Variants in CADPS2 observed in about 807,000 individuals in gnomAD.
CADPS2 encodes the protein calcium dependent secretion activator 2.
CADPS2 carries 93 observed loss-of-function variants against 172.5 expected under a neutral mutation model. The ratio of observed to expected loss-of-function variants is 0.54; its 90% CI spans 0.46 to 0.64. The LOEUF is 0.64. Ranked by LOEUF, CADPS2 falls within the 30% of genes least tolerant of loss-of-function variation. The pLI, the probability that CADPS2 is intolerant of heterozygous loss-of-function variation, is 0.00. For synonymous variants in CADPS2, 546 were observed against 555.2 expected, an observed-to-expected ratio of 0.98 and a Z score of 0.23; for missense variants, 1,420 against 1,565.9, an observed-to-expected ratio of 0.91 and a Z score of 1.57.
At chr7:122,574,155 T>C (rs1260032509) in intron 7 of CADPS2, among the ~76,000 whole-genome samples, 2 of 151,944 alleles carry the variant, frequency 1.3e-5, no homozygotes, top group African/African-American at 2.4e-5. Context: ...AAAAAATGTG[T>C]ATTTCTTGGG....
At chr7:122,724,988 G>T (rs1320024182) in intron 2 of CADPS2, among the ~76,000 whole-genome samples, 2 of 152,016 alleles carry the variant, frequency 1.3e-5, no homozygotes, top group Non-Finnish European at 2.9e-5. Flanking sequence ...TGTTATAGTA[G>T]TATGTGTTTC....
chr7:122,866,184 A>G (rs1366158278), intron 1 of CADPS2, among the ~76,000 whole-genome samples: 1 of 152,228 alleles, frequency 6.6e-6, no homozygotes, highest in East Asian at 1.9e-4. Context: ...CCATGTTATA[A>G]TCTCAAAATA....
At chr7:122,812,616 A>AT (rs956259465) in intron 1 of CADPS2, among the ~76,000 whole-genome samples, 3 of 152,064 alleles carry the variant, frequency 2.0e-5, no homozygotes, top group African/African-American at 4.8e-5. Context: ...TAAGTCTTCT[A>AT]TTTTTTCTCC....
intron 2 of CADPS2, among the ~76,000 whole-genome samples, chr7:122,719,267 G>A (rs2137017408): frequency 6.6e-6 from 1 of 152,092 alleles, no homozygotes; most frequent in South Asian, 2.1e-4. Context: ...AGGGGTGGGG[G>A]AGAGAGAAAG....
chr7:122,523,573 TCAAC>T lies in CADPS2; in HGVS notation c.1476-10262_1476-10259del, dbSNP rs1205419423. ...CTTTATTCCTTTTTATTTTTAAAAA[TCAAC>T]CAACAAATTGTATATATTTATGGTG... On this transcript the variant is annotated intron_variant, in intron 8 of 29. Transcript: ENST00000449022. Among the ~76,000 whole-genome samples, 5 of 152,232 alleles carry T rather than the reference TCAAC, an allele frequency of 3.3e-5. No homozygotes were observed. In the South Asian group the frequency reaches 6.2e-4, roughly 19 times the overall value.
intron 5 of CADPS2, among the ~76,000 whole-genome samples, chr7:122,617,727 T>C (rs375125664): frequency 2.6e-5 from 4 of 152,070 alleles, no homozygotes; most frequent in East Asian, 1.9e-4. Flanking sequence ...TAGCCTAATA[T>C]CAATGAAAGA....
chr7:122,554,421 C>T (rs924926779), intron 8 of CADPS2, 129 bp downstream of exon 8: 33 of 848,818 alleles, frequency 3.9e-5, no homozygotes, highest in East Asian at 1.6e-4. Flanking sequence ...AGATAACTTA[C>T]GTATGTCACT....
chr7:122,442,509 T>C (rs1012107264), intron 15 of CADPS2, among the ~76,000 whole-genome samples: 2 of 152,158 alleles, frequency 1.3e-5, no homozygotes, highest in Non-Finnish European at 2.9e-5. Context: ...TGTATCTCCA[T>C]GTCATTTTGC....
chr7:122,325,156 A>G (rs2033563852), intron 29 of CADPS2, among the ~76,000 whole-genome samples: 1 of 152,152 alleles, frequency 6.6e-6, no homozygotes, highest in South Asian at 2.1e-4. Flanking sequence ...AAGTAATTGT[A>G]TTATGATAAA....
At chr7:122,632,158 A>G (rs535650076) in intron 3 of CADPS2, among the ~76,000 whole-genome samples, 2 of 152,302 alleles carry the variant, frequency 1.3e-5, no homozygotes, top group Non-Finnish European at 2.9e-5. Context: ...TAGTGTGTCA[A>G]TGACCATATG....
intron 14 of CADPS2, among the ~76,000 whole-genome samples, chr7:122,454,424 C>A (rs1050168350): frequency 6.6e-6 from 1 of 152,064 alleles, no homozygotes; most frequent in Non-Finnish European, 1.5e-5. Flanking sequence ...CCCTTACTCT[C>A]TTCCTGCTAT....
chr7:122,478,085 T>C (rs1270900551), intron 12 of CADPS2, among the ~76,000 whole-genome samples: 1 of 152,202 alleles, frequency 6.6e-6, no homozygotes, highest in Non-Finnish European at 1.5e-5. Flanking sequence ...TATGTTACTC[T>C]TGAGAGACAC....
chr7:122,553,980 T>A (rs1587205912), intron 8 of CADPS2, among the ~76,000 whole-genome samples: 1 of 152,110 alleles, frequency 6.6e-6, no homozygotes, highest in African/African-American at 2.4e-5. Context: ...TTGGCAGAGA[T>A]GAAGGCTGAC....
chr7:122,567,899 G>C (rs1435798914), intron 7 of CADPS2, among the ~76,000 whole-genome samples: 2 of 151,830 alleles, frequency 1.3e-5, no homozygotes, highest in Non-Finnish European at 2.9e-5. Flanking sequence ...AGAAGAGAAA[G>C]AAAAAACATC....
intron 15 of CADPS2, 61 bp downstream of exon 15, chr7:122,451,313 G>A: frequency 8.4e-6 from 7 of 829,336 alleles, no homozygotes; most frequent in Non-Finnish European, 1.0e-5. Flanking sequence ...CAATTTTTGG[G>A]GGAAGTAAGG....
rs2040025873 is a variant in CADPS2, at chr7:122,360,815, T to C, written c.3477A>G (p.Lys1159=). Residue 1159 remains lysine (K), a synonymous_variant, in exon 27 of 30, where the codon AAA becomes AAG. Transcript: ENST00000449022. ...FFSSILSFTV[K]AAAKYVDVPK... is the part of the protein sequence containing the mutation. ...GAACATCAACATATTTTGCAGCTGC[T>C]TTCACCTTAAGTGTGAAAGAAAGAG... 6.4e-7 allele frequency: 1 copy of C among 1,568,560 alleles called. No homozygotes were observed. The highest frequency in any genetic ancestry group is 8.6e-7 in the Non-Finnish European group (1 of 1,156,122).
At chr7:122,647,771 A>G (rs1036456268) in intron 3 of CADPS2, among the ~76,000 whole-genome samples, 2 of 152,228 alleles carry the variant, frequency 1.3e-5, no homozygotes, top group African/African-American at 2.4e-5. Flanking sequence ...ATGAAAAATG[A>G]GAAGCTGTGC....
intron 20 of CADPS2, among the ~76,000 whole-genome samples, chr7:122,406,497 T>A (rs1337113117): frequency 2.6e-5 from 4 of 152,178 alleles, no homozygotes; most frequent in Admixed American, 2.6e-4. Context: ...GGAAAGCACC[T>A]CTCATTTGGG....
chr7:122,618,489 G>C (rs1364011527), intron 5 of CADPS2, among the ~76,000 whole-genome samples: 1 of 151,838 alleles, frequency 6.6e-6, no homozygotes, highest in Non-Finnish European at 1.5e-5. Context: ...CTTGGTAAGG[G>C]AATAGGGTAT....
Sources: gnomAD v4.1 joint callset for allele counts (sites outside exome capture counted in the v4.1 genomes callset) on GRCh38, gnomAD v4.1.1 for gene constraint, MANE v1.5 for transcripts, NCBI Gene and HGNC (gene_info 2026-07-23, HGNC 2026-07-21) for gene names.